Variants in EXOC6B observed in about 807,000 individuals in gnomAD.
EXOC6B encodes the protein SEC15 homolog B.
In EXOC6B, 54 loss-of-function variants were observed where a neutral mutation model predicts 113.5. The observed-to-expected ratio is 0.48, with a 90% CI of 0.38 to 0.60. The LOEUF is 0.60. Ranked by LOEUF, EXOC6B falls within the 20% of genes least tolerant of loss-of-function variation. The pLI, the probability that EXOC6B is intolerant of heterozygous loss-of-function variation, is 0.00. For missense variants in EXOC6B, 797 were observed against 977.5 expected (o/e 0.82, Z 2.46); for synonymous variants, 357 against 339.0 (o/e 1.05, Z -0.58).
At chr2:72,188,066 G>A (rs1038865561) in intron 20 of EXOC6B, among the ~76,000 whole-genome samples, 23 of 151,932 alleles carry the variant, frequency 1.5e-4, no homozygotes, top group African/African-American at 4.4e-4. Context: ...GTGGAGGACC[G>A]GGTTCCTGCC....
chr2:72,294,739 A>G (rs912488378), intron 20 of EXOC6B, among the ~76,000 whole-genome samples: 10 of 152,154 alleles, frequency 6.6e-5, no homozygotes, highest in Admixed American at 4.6e-4. Flanking sequence ...CGTAGAATAT[A>G]TATAAATAAT....
At chr2:72,475,271 T>TGG (rs34435741) in intron 17 of EXOC6B, among the ~76,000 whole-genome samples, 1 of 152,006 alleles carries the variant, frequency 6.6e-6, no homozygotes, top group Non-Finnish European at 1.5e-5. Flanking sequence ...GTGGGGTGGG[T>TGG]GGGGATGTTC....
chr2:72,344,740 C>T (rs1462316286), intron 19 of EXOC6B, among the ~76,000 whole-genome samples: 1 of 151,870 alleles, frequency 6.6e-6, no homozygotes, highest in African/African-American at 2.4e-5. Flanking sequence ...TTCTAATTTT[C>T]TCCAATTATG....
intron 1 of EXOC6B, among the ~76,000 whole-genome samples, chr2:72,786,911 A>G (rs1477557960): frequency 1.3e-5 from 2 of 152,214 alleles, no homozygotes; most frequent in African/African-American, 4.8e-5. Flanking sequence ...AATTAGGGCA[A>G]TCACAATGGG....
chr2:72,383,988 G>C (rs1691843886), intron 18 of EXOC6B, among the ~76,000 whole-genome samples: 1 of 151,880 alleles, frequency 6.6e-6, no homozygotes, highest in Non-Finnish European at 1.5e-5. Flanking sequence ...CAGATGCTAG[G>C]GCCTGCTTGA....
chr2:72,405,786 T>C (rs1239656478), intron 18 of EXOC6B, among the ~76,000 whole-genome samples: 3 of 152,190 alleles, frequency 2.0e-5, no homozygotes, highest in Admixed American at 6.5e-5. Flanking sequence ...AGGAAGAAAC[T>C]GCATCAACTA....
At chr2:72,423,937 A>T (rs938454649) in intron 18 of EXOC6B, among the ~76,000 whole-genome samples, 1 of 152,232 alleles carries the variant, frequency 6.6e-6, no homozygotes, top group Non-Finnish European at 1.5e-5. Flanking sequence ...CATTCCTGGA[A>T]TGAGCCTCAT....
intron 20 of EXOC6B, among the ~76,000 whole-genome samples, chr2:72,257,602 C>T (rs1444547564): frequency 6.6e-6 from 1 of 152,132 alleles, no homozygotes; most frequent in Admixed American, 6.6e-5. Context: ...ACACATAAAG[C>T]TTGAATTACA....
At chr2:72,307,434 A>G (rs770026471) in intron 20 of EXOC6B, among the ~76,000 whole-genome samples, 2 of 151,988 alleles carry the variant, frequency 1.3e-5, no homozygotes, top group Non-Finnish European at 2.9e-5. Flanking sequence ...GCATGGGTAT[A>G]GTCCAAAATT....
chr2:72,427,391 C>T (rs1279103509), intron 18 of EXOC6B, among the ~76,000 whole-genome samples: 1 of 152,196 alleles, frequency 6.6e-6, no homozygotes, highest in Non-Finnish European at 1.5e-5. Context: ...CCAGGAAGGC[C>T]TCCACTGCCC....
intron 18 of EXOC6B, among the ~76,000 whole-genome samples, chr2:72,408,699 T>G (rs1693960561): frequency 6.6e-6 from 1 of 152,176 alleles, no homozygotes; most frequent in South Asian, 2.1e-4. Context: ...TCCTTACACC[T>G]TATACAAAAA....
chr2:72,616,039 A>G (rs1671368739), intron 6 of EXOC6B, among the ~76,000 whole-genome samples: 1 of 152,152 alleles, frequency 6.6e-6, no homozygotes, highest in African/African-American at 2.4e-5. Context: ...TAAGCATATA[A>G]AAATACCTTT....
intron 1 of EXOC6B, among the ~76,000 whole-genome samples, chr2:72,823,888 A>G (rs777491840): frequency 3.3e-5 from 5 of 152,226 alleles, no homozygotes; most frequent in Non-Finnish European, 5.9e-5. Context: ...CATGGTATTT[A>G]CATTATATTT....
At chr2:72,508,491 G>T (rs1700728916) in intron 11 of EXOC6B, among the ~76,000 whole-genome samples, 2 of 152,136 alleles carry the variant, frequency 1.3e-5, no homozygotes, top group African/African-American at 2.4e-5. Flanking sequence ...AATTAAGCCG[G>T]CCGGGCATAG....
chr2:72,685,855 T>C (rs1262433482), intron 6 of EXOC6B, among the ~76,000 whole-genome samples: 3 of 152,178 alleles, frequency 2.0e-5, no homozygotes, highest in Non-Finnish European at 4.4e-5. Flanking sequence ...CAGGAACTAT[T>C]GGGTACAGGA....
chr2:72,258,313 TG>T (rs1028663594), intron 20 of EXOC6B, among the ~76,000 whole-genome samples: 5 of 151,930 alleles, frequency 3.3e-5, no homozygotes, highest in Admixed American at 3.3e-4. Flanking sequence ...GGGCTCAACA[TG>T]GAATAGATGC....
At chr2:72,369,268 CA>C (rs1445455168) in intron 19 of EXOC6B, among the ~76,000 whole-genome samples, 1 of 152,124 alleles carries the variant, frequency 6.6e-6, no homozygotes, top group Non-Finnish European at 1.5e-5. Context: ...ACAATTGCTT[CA>C]AACAGAATAA....
In EXOC6B at chr2:72,641,984, C is replaced by A. The variant is rs1298892547; in HGVS notation, c.670-66316G>T. The stretch of plus-strand genomic sequence containing the variant: ...CCTCCAGCAAACTCTAACAAACCTG[C>A]AGCTGAGGGTCCTGACTGTTAGAAG... On this transcript the variant is annotated intron_variant, in intron 6 of 21. Transcript: ENST00000272427. Among the ~76,000 whole-genome samples, 17 of 152,220 alleles carry A rather than the reference C, an allele frequency of 1.1e-4. 1 individual carries two copies. The highest frequency in any genetic ancestry group is 1.5e-5 in the Non-Finnish European group (1 of 68,044).
intron 5 of EXOC6B, among the ~76,000 whole-genome samples, chr2:72,720,650 AGCTGAG>A (rs1679938110): frequency 6.6e-6 from 1 of 151,934 alleles, no homozygotes; most frequent in South Asian, 2.1e-4. Flanking sequence ...CTACTTGGGA[AGCTGAG>A]GTGGGAGGAT....
Sources: allele counts gnomAD v4.1 joint callset (sites outside exome capture counted in the v4.1 genomes callset), GRCh38; gene constraint gnomAD v4.1.1; transcripts MANE v1.5; gene names NCBI Gene and HGNC (gene_info 2026-07-23, HGNC 2026-07-21).